Variants in PARD3B observed in about 807,000 individuals in gnomAD.
PARD3B encodes the protein par-3 family cell polarity regulator beta, also known as partitioning defective 3 homolog B.
Under a neutral mutation model 130.2 loss-of-function variants are expected in PARD3B, and 103 were observed. The observed-to-expected ratio is 0.79, with a 90% CI of 0.67 to 0.93. The LOEUF (loss-of-function observed/expected upper bound fraction) is 0.93. Among genes scored for constraint, PARD3B ranks in the 40% least tolerant of loss-of-function variants. The pLI, the probability that PARD3B is intolerant of heterozygous loss-of-function variation, is 0.00. For synonymous variants in PARD3B, 583 were observed against 553.2 expected (o/e 1.05, Z -0.76); for missense variants, 1,609 against 1,499.2 (o/e 1.07, Z -1.21).
intron 1 of PARD3B, among the ~76,000 whole-genome samples, chr2:204,629,580 A>T (rs1467722461): frequency 6.6e-6 from 1 of 152,056 alleles, no homozygotes; most frequent in Non-Finnish European, 1.5e-5. Flanking sequence ...GTTCTCACGA[A>T]TCACTGATTT....
chr2:204,578,444 C>T (rs2032381135), intron 1 of PARD3B, among the ~76,000 whole-genome samples: 1 of 152,006 alleles, frequency 6.6e-6, no homozygotes, highest in Non-Finnish European at 1.5e-5. Context: ...GTGGTGAATA[C>T]TTCTTTGTAT....
At chr2:204,739,241 G>T (rs1178058564) in intron 2 of PARD3B, among the ~76,000 whole-genome samples, 1 of 152,142 alleles carries the variant, frequency 6.6e-6, no homozygotes, top group Non-Finnish European at 1.5e-5. Context: ...TCATTGGAAT[G>T]TGTGTTTTGG....
At chr2:204,602,016 A>C (rs955235290) in intron 1 of PARD3B, among the ~76,000 whole-genome samples, 1 of 152,002 alleles carries the variant, frequency 6.6e-6, no homozygotes, top group Non-Finnish European at 1.5e-5. Flanking sequence ...ACCAGAGATC[A>C]TTGACTTTGA....
chr2:204,834,461 G>A (rs2043955398), intron 2 of PARD3B, among the ~76,000 whole-genome samples: 1 of 152,214 alleles, frequency 6.6e-6, no homozygotes. Context: ...GAATCCTGTA[G>A]AGGAGCTACA....
At chr2:204,805,463 T>C (rs1038344761) in intron 2 of PARD3B, among the ~76,000 whole-genome samples, 1 of 152,106 alleles carries the variant, frequency 6.6e-6, no homozygotes, top group African/African-American at 2.4e-5. Flanking sequence ...CCTGGTGGCT[T>C]CTGTACTGAA....
At chr2:204,755,272 T>C (rs1010510659) in intron 2 of PARD3B, among the ~76,000 whole-genome samples, 9 of 152,050 alleles carry the variant, frequency 5.9e-5, no homozygotes, top group Non-Finnish European at 1.0e-4. Context: ...TCAGATTTGA[T>C]TGGACTGATG....
Position 205,232,470 on chromosome 2 carries a change from T to C in PARD3B, c.2141-13308T>C, listed in dbSNP as rs114789719. Among the ~76,000 whole-genome samples, 728 of 152,148 alleles carry C rather than the reference T, an allele frequency of 4.8e-3. 3 individuals carry two copies. Among genetic ancestry groups the C allele is most frequent in the African/African-American group, 0.016 (649 of 41,504 alleles). ...TTAAATACAAAAAGTGTATTTAAAA[T>C]TACAGGAATATATATGACACAAAAA... On this transcript the variant is annotated intron_variant, in intron 15 of 22. Transcript: ENST00000406610.
chr2:204,803,037 G>A (rs565788972), intron 2 of PARD3B, among the ~76,000 whole-genome samples: 3 of 148,692 alleles, frequency 2.0e-5, no homozygotes, highest in African/African-American at 7.4e-5. Flanking sequence ...GGAAGTGAAA[G>A]AAATGAAAGA....
chr2:204,584,171 T>C (rs752154169), intron 1 of PARD3B, among the ~76,000 whole-genome samples: 14 of 152,054 alleles, frequency 9.2e-5, no homozygotes, highest in Non-Finnish European at 2.9e-5. Context: ...TTCAAATAAC[T>C]GAAAGGAGAG....
At chr2:204,880,310 A>G (rs576078284) in intron 2 of PARD3B, among the ~76,000 whole-genome samples, 55 of 152,200 alleles carry the variant, frequency 3.6e-4, no homozygotes, top group South Asian at 4.1e-4. Context: ...TATGTGTTAT[A>G]TAGGTATATC....
chr2:205,150,527 C>T (rs2033683621), intron 10 of PARD3B, among the ~76,000 whole-genome samples: 1 of 152,012 alleles, frequency 6.6e-6, no homozygotes, highest in Non-Finnish European at 1.5e-5. Flanking sequence ...GATAAAGGGA[C>T]ATTTATTTCT....
At chr2:204,722,196 T>C (rs1344983191) in intron 2 of PARD3B, among the ~76,000 whole-genome samples, 1 of 152,234 alleles carries the variant, frequency 6.6e-6, no homozygotes, top group African/African-American at 2.4e-5. Context: ...TTTGTATCTA[T>C]TGACAAATAA....
chr2:205,546,704 C>A (rs986021752), intron 21 of PARD3B, among the ~76,000 whole-genome samples: 1 of 152,148 alleles, frequency 6.6e-6, no homozygotes, highest in Admixed American at 6.6e-5. Flanking sequence ...TCTGCAATTT[C>A]CTATCCTCTA....
intron 2 of PARD3B, among the ~76,000 whole-genome samples, chr2:204,762,116 A>ATTTTTTT (rs968166780): frequency 2.1e-3 from 205 of 95,366 alleles, no homozygotes; most frequent in Non-Finnish European, 2.4e-3. Context: ...TTCTTTTTCT[A>ATTTTTTT]TTTTTTTTTT....
chr2:204,985,130 C>T (rs1027310450), intron 3 of PARD3B, among the ~76,000 whole-genome samples: 2 of 152,064 alleles, frequency 1.3e-5, no homozygotes, highest in South Asian at 4.2e-4. Context: ...CTTTCCATTT[C>T]TCCTCCTTTT....
At chr2:204,793,173 T>C (rs973260069) in intron 2 of PARD3B, among the ~76,000 whole-genome samples, 4 of 152,210 alleles carry the variant, frequency 2.6e-5, no homozygotes, top group Non-Finnish European at 5.9e-5. Flanking sequence ...TATTCCACTT[T>C]TTCTCTTTTT....
intron 11 of PARD3B, among the ~76,000 whole-genome samples, chr2:205,169,931 CTT>C (rs35332758): frequency 4.9e-5 from 7 of 142,034 alleles, no homozygotes; most frequent in Admixed American, 1.4e-4. Context: ...TCCCCCCACC[CTT>C]TTTTTTTTTT....
intron 21 of PARD3B, among the ~76,000 whole-genome samples, chr2:205,543,864 G>A (rs2052273896): frequency 6.6e-6 from 1 of 152,134 alleles, no homozygotes; most frequent in East Asian, 1.9e-4. Context: ...TTTTTTCTAT[G>A]TTTGGTCTTT....
chr2:205,247,828 G>A (rs758722221), intron 16 of PARD3B, among the ~76,000 whole-genome samples: 2 of 152,104 alleles, frequency 1.3e-5, no homozygotes, highest in Non-Finnish European at 2.9e-5. Flanking sequence ...CACTAGAAAC[G>A]GTTCTGAGAA....
Sources: gnomAD v4.1 joint callset for allele counts (sites outside exome capture counted in the v4.1 genomes callset) on GRCh38, gnomAD v4.1.1 for gene constraint, MANE v1.5 for transcripts, NCBI Gene and HGNC (gene_info 2026-07-23, HGNC 2026-07-21) for gene names.